SERHL2: variants seen among roughly 807,000 people sequenced by gnomAD.
SERHL2 encodes serine hydrolase like 2, also known as serine hydrolase-like protein 2.
SERHL2 carries 29 observed loss-of-function variants against 25.5 expected under a neutral mutation model. The observed-to-expected ratio is 1.14, with a 90% confidence interval of 0.85 to 1.55. The LOEUF is 1.55. Ranked by LOEUF, SERHL2 falls within the 40% of genes most tolerant of loss-of-function variation. SERHL2 has a pLI of 0.00. For missense variants in SERHL2, 240 were observed against 252.3 expected (o/e 0.95, Z 0.33); for synonymous variants, 95 against 103.5 (o/e 0.92, Z 0.50).
intron 7 of SERHL2, among the ~76,000 whole-genome samples, chr22:42,559,782 T>A (rs1922444176): frequency 6.6e-6 from 1 of 151,834 alleles, no homozygotes; most frequent in Admixed American, 6.6e-5. Flanking sequence ...GACCTCCCTT[T>A]TGCTGCCCTT....
At chr22:42,570,233 C>G (rs1236088106) in intron 9 of SERHL2, among the ~76,000 whole-genome samples, 1 of 151,990 alleles carries the variant, frequency 6.6e-6, no homozygotes, top group Non-Finnish European at 1.5e-5. Context: ...ACCAGCCTGA[C>G]CAACATGGTG....
intron 8 of SERHL2, 25 bp from the exon 9 acceptor site, chr22:42,566,279 G>A: frequency 1.2e-6 from 2 of 1,609,296 alleles, no homozygotes; most frequent in Non-Finnish European, 1.7e-6. Flanking sequence ...CATTGACGCT[G>A]CTGTCTTTGT....
At chr22:42,565,536 G>A (rs1036166761) in intron 8 of SERHL2, among the ~76,000 whole-genome samples, 1 of 151,830 alleles carries the variant, frequency 6.6e-6, no homozygotes, top group African/African-American at 2.4e-5. Flanking sequence ...ATATTGCCCA[G>A]GCTGGTCTTG....
intron 9 of SERHL2, among the ~76,000 whole-genome samples, chr22:42,568,050 G>A (rs1923647004): frequency 6.6e-6 from 1 of 151,768 alleles, no homozygotes; most frequent in African/African-American, 2.4e-5. Flanking sequence ...GTAGAGACAG[G>A]GTCTCCCTCT....
intron 9 of SERHL2, among the ~76,000 whole-genome samples, chr22:42,567,489 C>T (rs1431453565): frequency 6.6e-6 from 1 of 151,016 alleles, no homozygotes; most frequent in African/African-American, 2.4e-5. Context: ...AAGGTGAAAC[C>T]CCGTCTCTAC....
chr22:42,569,071 CAG>C (rs1003006848), intron 9 of SERHL2: 1 of 151,498 alleles, frequency 6.6e-6, no homozygotes, highest in African/African-American at 2.4e-5. Context: ...TTCATAGAGA[CAG>C]GGTTTTGCCA....
chr22:42,560,288 G>A, intron 8 of SERHL2, 23 bp downstream of exon 8: 1 of 1,549,406 alleles, frequency 6.5e-7, no homozygotes, highest in South Asian at 1.1e-5. Flanking sequence ...ACTGTCCAAG[G>A]CCATTTTATA....
rs376999609 is a variant in SERHL2, at chr22:42,566,232, G to A, written c.614-72G>A. ...GGCTGCAAAGGCCTGGAGGGTTCCA[G>A]CAAAGTCACGGAGCGTCCCCTGACC... is the stretch of plus-strand genomic sequence containing the variant. On this transcript the variant is annotated intron_variant, in intron 8 of 11. Coordinates refer to ENST00000327678, the MANE Select transcript of SERHL2 (RefSeq NM_014509.5). 6 of 1,502,834 alleles carry A rather than the reference G, an allele frequency of 4.0e-6. No individual in the cohort carries two copies. The African/African-American group carries it at 6.8e-5, about 17-fold the overall frequency. The allele number at this position is 1,502,834 out of a possible 1,614,324, so 93.1% of individuals were successfully genotyped here.
intron 8 of SERHL2, chr22:42,565,259 C>A: frequency 6.5e-6 from 1 of 152,828 alleles, no homozygotes. Context: ...CCCGCCTAGC[C>A]GCCAGATCAG....
At chr22:42,561,690 T>C (rs1265425393) in intron 8 of SERHL2, among the ~76,000 whole-genome samples, 1 of 151,842 alleles carries the variant, frequency 6.6e-6, no homozygotes, top group Non-Finnish European at 1.5e-5. Flanking sequence ...TTTAGTTGTC[T>C]TGAGTCCAGA....
intron 11 of SERHL2, 104 bp downstream of exon 11, chr22:42,572,633 A>C: frequency 6.7e-7 from 1 of 1,481,716 alleles, no homozygotes; most frequent in South Asian, 1.3e-5. Context: ...GTCTGCCCCC[A>C]GGCCCAACAA....
At chr22:42,563,388 G>C (rs1396857090) in intron 8 of SERHL2, 1 of 426,468 alleles carries the variant, frequency 2.3e-6, no homozygotes, top group Non-Finnish European at 4.7e-6. Flanking sequence ...TTTTTTTGTA[G>C]AGATGGAGTT....
chr22:42,563,753 T>A (rs547193710), intron 8 of SERHL2, among the ~76,000 whole-genome samples: 12 of 152,044 alleles, frequency 7.9e-5, no homozygotes, highest in Admixed American at 7.2e-4. Context: ...GGGCTATTAT[T>A]TTAAATAGAA....
chr22:42,554,263 A>G (rs1921959394), intron 1 of SERHL2, among the ~76,000 whole-genome samples: 1 of 151,736 alleles, frequency 6.6e-6, no homozygotes, highest in African/African-American at 2.4e-5. Context: ...GGAGCCCCTG[A>G]GTTAGCCGAG....
At chr22:42,554,107 G>C (rs1468431311) in intron 1 of SERHL2, 65 bp downstream of exon 1, 3 of 1,579,358 alleles carry the variant, frequency 1.9e-6, no homozygotes, top group East Asian at 2.3e-5. Context: ...CAGTAGAAGA[G>C]GGCGGGATGG....
chr22:42,567,841 CTG>C (rs1485487983), intron 9 of SERHL2, among the ~76,000 whole-genome samples: 1 of 151,534 alleles, frequency 6.6e-6, no homozygotes, highest in African/African-American at 2.4e-5. Flanking sequence ...AGTGATTCTC[CTG>C]TCTCAGCCCC....
chr22:42,554,195 G>T, intron 1 of SERHL2, 153 bp downstream of exon 1: 1 of 948,574 alleles, frequency 1.1e-6, no homozygotes, highest in South Asian at 1.5e-5. Flanking sequence ...ATGAGAGCGC[G>T]ACCGGCCAGG....
intron 9 of SERHL2, chr22:42,570,044 C>A (rs1478823700): frequency 1.3e-5 from 2 of 152,034 alleles, no homozygotes; most frequent in Admixed American, 6.6e-5. Flanking sequence ...AGAGCTCCTG[C>A]CCTTGGAGTC....
intron 6 of SERHL2, 138 bp downstream of exon 6, chr22:42,556,726 C>T (rs1437740995): frequency 1.3e-5 from 13 of 1,033,336 alleles, no homozygotes; most frequent in Non-Finnish European, 1.5e-5. Context: ...GTCAGGGACC[C>T]GCTCCCCAAC....
Sources: allele counts gnomAD v4.1 joint callset (sites outside exome capture counted in the v4.1 genomes callset), GRCh38; gene constraint gnomAD v4.1.1; transcripts MANE v1.5; gene names NCBI Gene and HGNC (gene_info 2026-07-23, HGNC 2026-07-21).